Variants in HHAT observed in about 807,000 individuals in gnomAD.
The protein encoded by HHAT is protein-cysteine N-palmitoyltransferase HHAT.
In HHAT, 47 loss-of-function variants were observed where a neutral mutation model predicts 70.8. The ratio of observed to expected loss-of-function variants is 0.66; its 90% CI spans 0.53 to 0.85. The LOEUF is 0.85. Ranked by LOEUF, HHAT falls within the 40% of genes least tolerant of loss-of-function variation. The pLI is 0.00. For synonymous variants in HHAT, 228 were observed against 247.6 expected (o/e 0.92, Z 0.74); for missense variants, 609 against 604.8 (o/e 1.01, Z -0.07).
chr1:210,605,718 A>T (rs1665260984), intron 10 of HHAT, among the ~76,000 whole-genome samples: 1 of 152,292 alleles, frequency 6.6e-6, no homozygotes, highest in African/African-American at 2.4e-5. Context: ...GTAAATAAAT[A>T]AGCAAACAAG....
chr1:210,447,578 G>C (rs1013952763), intron 7 of HHAT, among the ~76,000 whole-genome samples: 2 of 152,204 alleles, frequency 1.3e-5, no homozygotes, highest in Non-Finnish European at 2.9e-5. Context: ...TCCCAGTCAA[G>C]CATTGGCTGA....
chr1:210,612,332 T>C (rs1666768130), intron 10 of HHAT, among the ~76,000 whole-genome samples: 1 of 152,180 alleles, frequency 6.6e-6, no homozygotes, highest in Non-Finnish European at 1.5e-5. Context: ...CAGTCCCTAG[T>C]AGCCACTATT....
At chr1:210,626,249 C>T (rs1434151390) in intron 11 of HHAT, among the ~76,000 whole-genome samples, 2 of 152,166 alleles carry the variant, frequency 1.3e-5, no homozygotes, top group Admixed American at 6.5e-5. Context: ...GCCTGACATC[C>T]TATGGAGTTA....
At chr1:210,407,135 T>TA (rs764543501) in intron 6 of HHAT, among the ~76,000 whole-genome samples, 8 of 151,832 alleles carry the variant, frequency 5.3e-5, no homozygotes, top group Admixed American at 2.0e-4. Context: ...AAGGGGGCTT[T>TA]AAAGGGGCAG....
At chr1:210,643,789 C>T (rs1673447687) in intron 11 of HHAT, among the ~76,000 whole-genome samples, 1 of 151,322 alleles carries the variant, frequency 6.6e-6, no homozygotes, top group Admixed American at 6.6e-5. Context: ...AATTTAAATA[C>T]AAAAGAGCTA....
At chr1:210,424,969 T>A (rs2093018755) in intron 7 of HHAT, among the ~76,000 whole-genome samples, 1 of 152,202 alleles carries the variant, frequency 6.6e-6, no homozygotes, top group Non-Finnish European at 1.5e-5. Flanking sequence ...TTACCAACAG[T>A]GTATAAGTGT....
At chr1:210,333,264 T>C (rs565419816) in intron 1 of HHAT, among the ~76,000 whole-genome samples, 60 of 152,132 alleles carry the variant, frequency 3.9e-4, no homozygotes, top group African/African-American at 1.4e-3. Flanking sequence ...TAATGCTAAT[T>C]TGTATTTGCA....
At chr1:210,521,519 G>C (rs1408875954) in intron 9 of HHAT, among the ~76,000 whole-genome samples, 1 of 152,074 alleles carries the variant, frequency 6.6e-6, no homozygotes, top group Non-Finnish European at 1.5e-5. Flanking sequence ...TGAATGACAG[G>C]GTAATTTTTA....
chr1:210,382,556 T>A (rs1316469429), intron 3 of HHAT, among the ~76,000 whole-genome samples: 2 of 152,098 alleles, frequency 1.3e-5, no homozygotes, highest in Non-Finnish European at 2.9e-5. Context: ...GAGAGATCCA[T>A]TTTTCCCTCC....
intron 1 of HHAT, among the ~76,000 whole-genome samples, chr1:210,345,245 C>T (rs1403353133): frequency 1.3e-5 from 2 of 151,928 alleles, no homozygotes; most frequent in Non-Finnish European, 2.9e-5. Context: ...GGAATGGGCT[C>T]AGCTACCAGA....
At chr1:210,462,982 T>G (rs1315454420) in intron 7 of HHAT, 1 of 152,144 alleles carries the variant, frequency 6.6e-6, no homozygotes, top group Non-Finnish European at 1.5e-5. Flanking sequence ...TTCTGCACAG[T>G]GGGGCGGGCA....
chr1:210,591,091 A>C (rs978864967), intron 10 of HHAT, among the ~76,000 whole-genome samples: 1 of 152,080 alleles, frequency 6.6e-6, no homozygotes, highest in Non-Finnish European at 1.5e-5. Context: ...ATACTCTTCC[A>C]GTCAGTTTTA....
intron 8 of HHAT, among the ~76,000 whole-genome samples, chr1:210,512,694 A>G (rs2094979246): frequency 6.7e-6 from 1 of 149,116 alleles, no homozygotes; most frequent in Middle Eastern, 3.2e-3. Flanking sequence ...AAAAAAACCC[A>G]TATATATGTG....
At chr1:210,621,670 A>G (rs1196608888) in intron 10 of HHAT, among the ~76,000 whole-genome samples, 1 of 152,136 alleles carries the variant, frequency 6.6e-6, no homozygotes, top group East Asian at 1.9e-4. Flanking sequence ...TTTTCACACC[A>G]TGTAGTTATC....
chr1:210,666,497 AT>A (rs1396730415), intron 11 of HHAT, among the ~76,000 whole-genome samples: 6 of 151,872 alleles, frequency 4.0e-5, no homozygotes, highest in Admixed American at 6.6e-5. Flanking sequence ...TTTATTACAT[AT>A]TTTTTTTAGA....
At chr1:210,542,494 A>ATAT (rs573554990) in intron 9 of HHAT, among the ~76,000 whole-genome samples, 1 of 139,162 alleles carries the variant, frequency 7.2e-6, no homozygotes, top group African/African-American at 2.6e-5. Context: ...AGTTAAAAAA[A>ATAT]AAATATATAT....
rs367566297 is a variant in HHAT at position 210,387,590 on chromosome 1, A to T, written c.273+9A>T. 1 of 1,597,620 alleles carries T rather than the reference A, an allele frequency of 6.3e-7. No homozygotes were observed. Among genetic ancestry groups the T allele is most frequent in the Non-Finnish European group, 8.6e-7 (1 of 1,165,122 alleles). On this transcript the variant is annotated intron_variant, in intron 4 of 11. Coordinates refer to ENST00000261458, the MANE Select transcript of HHAT (RefSeq NM_018194.6). Reference sequence around the variant, plus strand: ...CACTGCTGGCAAGAAAGGTATGATTATATGTGTTGTTACCTTTTAAGTGTG... The same window carrying T: ...CACTGCTGGCAAGAAAGGTATGATTTTATGTGTTGTTACCTTTTAAGTGTG...
intron 9 of HHAT, among the ~76,000 whole-genome samples, chr1:210,557,049 C>T (rs536056522): frequency 1.3e-5 from 2 of 152,330 alleles, no homozygotes; most frequent in East Asian, 3.9e-4. Context: ...GGCTGAAGAT[C>T]AGCCCTTCCC....
At chr1:210,354,303 C>G (rs944429348) in intron 2 of HHAT, among the ~76,000 whole-genome samples, 1 of 144,278 alleles carries the variant, frequency 6.9e-6, no homozygotes, top group East Asian at 2.2e-4. Context: ...CTCCTGGATT[C>G]AAGCAATTCT....
Sources: allele counts gnomAD v4.1 joint callset (sites outside exome capture counted in the v4.1 genomes callset), GRCh38; gene constraint gnomAD v4.1.1; transcripts MANE v1.5; gene names NCBI Gene and HGNC (gene_info 2026-07-23, HGNC 2026-07-21).